GRIK4: variants seen among roughly 807,000 people sequenced by gnomAD.
GRIK4 encodes the protein glutamate receptor ionotropic, kainate 4.
In GRIK4, 40 loss-of-function variants were observed where a neutral mutation model predicts 104.9. That is an observed-to-expected ratio of 0.38 (90% CI 0.30 to 0.50). The LOEUF (loss-of-function observed/expected upper bound fraction) is 0.50. Ranked by LOEUF, GRIK4 falls within the 20% of genes least tolerant of loss-of-function variation. The pLI, the probability that GRIK4 is intolerant of heterozygous loss-of-function variation, is 0.93. For missense variants in GRIK4, 1,047 were observed against 1,308.1 expected (o/e 0.80, Z 3.08); for synonymous variants, 485 against 524.9 (o/e 0.92, Z 1.04).
chr11:120,958,587 G>A (rs924496330), intron 16 of GRIK4, among the ~76,000 whole-genome samples: 1 of 152,264 alleles, frequency 6.6e-6, no homozygotes, highest in Non-Finnish European at 1.5e-5. Context: ...TCGCTGGAGA[G>A]AATGCCAGTT....
At position 120,694,110 on chromosome 11, in the gene GRIK4, C is replaced by A. The variant is rs531603157; in HGVS notation, c.82+33710C>A. Among the ~76,000 whole-genome samples, 3 of 152,082 alleles carry A rather than the reference C, an allele frequency of 2.0e-5. No individual in the cohort carries two copies. The East Asian group carries it at 5.8e-4, about 29-fold the overall frequency. On this transcript the variant is annotated intron_variant, in intron 3 of 20. Transcript: ENST00000527524. Reference sequence around the variant, plus strand: ...ACTGCAAGTGCCCATGGCATCTGGACGAGACGTCCAGTAGACAGCTGGATG... The same window carrying A: ...ACTGCAAGTGCCCATGGCATCTGGAAGAGACGTCCAGTAGACAGCTGGATG...
rs1213861293 is a variant in GRIK4, at chr11:120,902,186, A to G, written c.1273-3104A>G. ...GGGACGTGTGGATGGTTTATTGGTT[A>G]ATGCCAGCAAACATGGAATTGGCTG... On this transcript the variant is annotated intron_variant, in intron 12 of 20. Coordinates refer to ENST00000527524, the MANE Select transcript of GRIK4 (RefSeq NM_014619.5). The surrounding 1 kb of genome is among the most constrained non-coding windows in gnomAD (Gnocchi z 4.5). Among the ~76,000 whole-genome samples the G allele has an allele frequency of 4.0e-5, 6 of 151,616 alleles. No homozygotes were observed. Among genetic ancestry groups the G allele is most frequent in the Non-Finnish European group, 7.4e-5 (5 of 68,004 alleles).
intron 3 of GRIK4, among the ~76,000 whole-genome samples, chr11:120,752,202 C>G (rs997017072): frequency 1.3e-5 from 2 of 152,178 alleles, no homozygotes; most frequent in Admixed American, 6.5e-5. Context: ...GTCTGTCAGC[C>G]AGGGAGCAGG....
At chr11:120,866,255 G>C (rs1265187495) in intron 9 of GRIK4, among the ~76,000 whole-genome samples, 2 of 152,174 alleles carry the variant, frequency 1.3e-5, no homozygotes, top group Non-Finnish European at 1.5e-5. Context: ...CCTCTGGGAA[G>C]GTGACTCCTC....
intron 9 of GRIK4, among the ~76,000 whole-genome samples, chr11:120,866,840 C>T (rs561788508): frequency 1.3e-5 from 2 of 152,242 alleles, no homozygotes; most frequent in African/African-American, 2.4e-5. Context: ...TTGCTGAGGA[C>T]GGCAGGGCTC....
intron 1 of GRIK4, among the ~76,000 whole-genome samples, chr11:120,615,494 C>T (rs1949099804): frequency 6.6e-6 from 1 of 152,196 alleles, no homozygotes; most frequent in African/African-American, 2.4e-5. Flanking sequence ...GTCGTAGCCC[C>T]TCACCCTTTG....
intron 3 of GRIK4, among the ~76,000 whole-genome samples, chr11:120,720,796 G>T (rs1319537849): frequency 2.0e-5 from 3 of 152,032 alleles, no homozygotes; most frequent in Non-Finnish European, 4.4e-5. Flanking sequence ...GGAAGATACT[G>T]GAATTTTTAA....
chr11:120,750,052 C>T (rs1458420028), intron 3 of GRIK4, among the ~76,000 whole-genome samples: 1 of 152,014 alleles, frequency 6.6e-6, no homozygotes, highest in Non-Finnish European at 1.5e-5. Flanking sequence ...CTGGTTTAGC[C>T]TCCTCATTTT....
chr11:120,852,628 G>C (rs1953999693), intron 8 of GRIK4, among the ~76,000 whole-genome samples: 1 of 152,146 alleles, frequency 6.6e-6, no homozygotes, highest in Non-Finnish European at 1.5e-5. Flanking sequence ...TCATTGACAG[G>C]TGTGAATTAG....
Position 120,815,422 on chromosome 11 carries a change from T to C in GRIK4, c.292T>C (p.Ser98Pro). 1 of 1,552,934 alleles carries C rather than the reference T, an allele frequency of 6.4e-7. No individual in the cohort carries two copies. The highest frequency in any genetic ancestry group is 8.7e-7 in the Non-Finnish European group (1 of 1,147,562). ...GGGGGTGGTCGCTGTCCTCGGACCA[T>C]CGTCCAGCCCAGCCTCCAGCTCCAT... ...PKGVVAVLGP[S>P]SSPASSSIIS... Residue 98 changes from serine (S) to proline (P), a missense_variant, in exon 5 of 21, where the codon TCG becomes CCG. Physicochemically the swap from Ser to Pro is moderately conservative, Grantham distance 74. Coordinates refer to ENST00000527524, the MANE Select transcript of GRIK4 (RefSeq NM_014619.5).
chr11:120,670,553 C>T (rs916080462), intron 3 of GRIK4, among the ~76,000 whole-genome samples: 2 of 152,228 alleles, frequency 1.3e-5, no homozygotes, highest in African/African-American at 2.4e-5. Context: ...CCAGGGCCTT[C>T]ACACCTGCTG....
chr11:120,872,748 TTTTGTTTG>T (rs549226280), intron 9 of GRIK4: 20 of 187,018 alleles, frequency 1.1e-4, no homozygotes, highest in Non-Finnish European at 1.5e-4. Context: ...CTTGCTAGGG[TTTTGTTTG>T]TTTGTTTGTT....
intron 1 of GRIK4, among the ~76,000 whole-genome samples, chr11:120,586,403 G>A (rs994884286): frequency 6.6e-6 from 1 of 152,124 alleles, no homozygotes; most frequent in Non-Finnish European, 1.5e-5. Flanking sequence ...GGGAGAGAAA[G>A]CAGGGCCAGT....
chr11:120,637,142 GGAGAGAGAGAGA>G (rs142967472), intron 1 of GRIK4, among the ~76,000 whole-genome samples: 1 of 151,488 alleles, frequency 6.6e-6, no homozygotes, highest in Non-Finnish European at 1.5e-5. Flanking sequence ...GAGGTGAGAG[GGAGAGAGAGAGA>G]GAACCATGAA....
intron 1 of GRIK4, among the ~76,000 whole-genome samples, chr11:120,574,820 C>T (rs1948457236): frequency 6.6e-6 from 1 of 152,166 alleles, no homozygotes; most frequent in East Asian, 1.9e-4. Flanking sequence ...GCAGTGTCCA[C>T]TGAGCCAAGA....
At chr11:120,558,525 T>C (rs1948208912) in intron 1 of GRIK4, among the ~76,000 whole-genome samples, 1 of 152,056 alleles carries the variant, frequency 6.6e-6, no homozygotes, top group Non-Finnish European at 1.5e-5. Flanking sequence ...GATGCAGAGG[T>C]TGCAGTGAGC....
intron 1 of GRIK4, among the ~76,000 whole-genome samples, chr11:120,601,504 G>T (rs112156157): frequency 9.3e-4 from 141 of 152,262 alleles, no homozygotes; most frequent in African/African-American, 3.3e-3. Context: ...ATTAGTGGCT[G>T]TTTGTTTAAA....
intron 1 of GRIK4, among the ~76,000 whole-genome samples, chr11:120,619,489 A>G (rs1949158346): frequency 6.6e-6 from 1 of 152,116 alleles, no homozygotes; most frequent in African/African-American, 2.4e-5. Flanking sequence ...GAAGGACATG[A>G]GATTTAAGAG....
intron 3 of GRIK4, among the ~76,000 whole-genome samples, chr11:120,766,927 T>C (rs1230909367): frequency 2.0e-5 from 3 of 152,070 alleles, no homozygotes; most frequent in South Asian, 4.2e-4. Flanking sequence ...CCGTGTATTA[T>C]ATTTTCTTTA....
Sources: gnomAD v4.1 joint callset for allele counts (sites outside exome capture counted in the v4.1 genomes callset) on GRCh38, gnomAD v4.1.1 for gene constraint, Gnocchi (gnomAD v3.1) non-coding constraint, MANE v1.5 for transcripts, NCBI Gene and HGNC (gene_info 2026-07-23, HGNC 2026-07-21) for gene names.